ERBB4: variants seen among roughly 807,000 people sequenced by gnomAD.
ERBB4 encodes erb-b2 receptor tyrosine kinase 4.
ERBB4 carries 42 observed loss-of-function variants against 158.0 expected under a neutral mutation model. The observed-to-expected ratio is 0.27, with a 90% CI of 0.21 to 0.34. The LOEUF is 0.34. Ranked by LOEUF, ERBB4 falls within the 10% of genes least tolerant of loss-of-function variation. The probability of loss-of-function intolerance (pLI) is 1.00; values close to 1 mark genes in which losing one functional copy is unlikely to be tolerated. For synonymous variants in ERBB4, 583 were observed against 558.7 expected, an observed-to-expected ratio of 1.04 and a Z score of -0.61; for missense variants, 1,333 against 1,624.1, an observed-to-expected ratio of 0.82 and a Z score of 3.08.
At chr2:211,538,570 T>C (rs1316640004) in intron 20 of ERBB4, among the ~76,000 whole-genome samples, 3 of 151,892 alleles carry the variant, frequency 2.0e-5, no homozygotes, top group African/African-American at 7.2e-5. Flanking sequence ...TTGCTTTGTC[T>C]CCATTTCATT....
At chr2:211,803,164 A>G (rs540923996) in intron 3 of ERBB4, among the ~76,000 whole-genome samples, 64 of 152,332 alleles carry the variant, frequency 4.2e-4, no homozygotes, top group African/African-American at 1.5e-3. Flanking sequence ...AATAATAGTA[A>G]AATGTGTCAT....
intron 1 of ERBB4, among the ~76,000 whole-genome samples, chr2:212,519,148 T>C (rs1692007399): frequency 6.6e-6 from 1 of 151,886 alleles, no homozygotes; most frequent in South Asian, 2.1e-4. Context: ...CACAAATAAA[T>C]CCAGAGAGGC....
In ERBB4 at chr2:211,479,164, G is replaced by A. The variant is rs147861861; in HGVS notation, c.2488-48064C>T. ...GAGCTCCTGGTTTAGTAGGTATGGAGTGGGGTCTTAAAAATGTAACTTTCT... is the reference window on the plus strand; with the variant it reads ...GAGCTCCTGGTTTAGTAGGTATGGAATGGGGTCTTAAAAATGTAACTTTCT... On this transcript the variant is annotated intron_variant, in intron 20 of 27. Transcript: ENST00000342788. Among the ~76,000 whole-genome samples, 81 of 152,246 alleles carry A rather than the reference G, an allele frequency of 5.3e-4. 1 individual carries two copies. The East Asian group carries it at 0.013, about 24-fold the overall frequency.
chr2:212,121,082 T>G (rs2079733108), intron 2 of ERBB4, among the ~76,000 whole-genome samples: 1 of 152,174 alleles, frequency 6.6e-6, no homozygotes, highest in Admixed American at 6.5e-5. Flanking sequence ...AGGTATAATT[T>G]GAAATAATGT....
At chr2:212,438,011 G>A (rs35610945) in intron 1 of ERBB4, among the ~76,000 whole-genome samples, 1 of 151,916 alleles carries the variant, frequency 6.6e-6, no homozygotes, top group African/African-American at 2.4e-5. Context: ...TATGTACCAT[G>A]TTATCTCATG....
chr2:211,978,882 T>C (rs1468451941), intron 2 of ERBB4, among the ~76,000 whole-genome samples: 1 of 152,166 alleles, frequency 6.6e-6, no homozygotes, highest in African/African-American at 2.4e-5. Flanking sequence ...TAGACATCAA[T>C]CTGATTTTTA....
At chr2:212,184,547 C>T (rs946357974) in intron 1 of ERBB4, among the ~76,000 whole-genome samples, 1 of 152,028 alleles carries the variant, frequency 6.6e-6, no homozygotes, top group African/African-American at 2.4e-5. Context: ...CAGTCAAACA[C>T]TTACATCTGG....
intron 1 of ERBB4, among the ~76,000 whole-genome samples, chr2:212,343,432 A>T (rs775759970): frequency 1.1e-4 from 17 of 152,204 alleles, no homozygotes; most frequent in Admixed American, 3.3e-4. Context: ...GATAGGAATA[A>T]CACATGATTT....
chr2:211,593,789 G>A lies in ERBB4; in HGVS notation c.2301+25388C>T, dbSNP rs899033059. ...TTCAAGGAAAGACTTATCCGAGAGC[G>A]CTGCTGGCAAACAGCCTTCATTCAC... is the stretch of plus-strand genomic sequence containing the variant. On this transcript the variant is annotated intron_variant, in intron 19 of 27. Coordinates refer to ENST00000342788, the MANE Select transcript of ERBB4 (RefSeq NM_005235.3). Among the ~76,000 whole-genome samples, 4 of 152,094 alleles carry A rather than the reference G, an allele frequency of 2.6e-5. No individual in the cohort carries two copies. In the South Asian group the frequency reaches 6.2e-4, roughly 24 times the overall value.
chr2:211,383,898 G>T lies in ERBB4; in HGVS notation c.3644C>A (p.Thr1215Asn). ...CTTCAGGTACTCAGCTTTTCCCAAG[G>T]TGTTGGCAAAGGTGTTGAGGTACAG... Reference protein sequence around the residue: ...EPLYLNTFANTLGKAEYLKNN... With the variant: ...EPLYLNTFANNLGKAEYLKNN... Residue 1215 changes from threonine to asparagine, a missense_variant, in exon 28 of 28, where the codon ACC (threonine) becomes AAC (asparagine). Coordinates refer to ENST00000342788, the MANE Select transcript of ERBB4 (RefSeq NM_005235.3). The T allele has an allele frequency of 5.0e-6, 8 of 1,614,034 alleles. No individual in the cohort carries two copies. Among genetic ancestry groups the T allele is most frequent in the Non-Finnish European group, 6.8e-6 (8 of 1,180,010 alleles).
At chr2:211,678,581 A>G (rs1382951301) in intron 13 of ERBB4, among the ~76,000 whole-genome samples, 1 of 152,220 alleles carries the variant, frequency 6.6e-6, no homozygotes, top group Non-Finnish European at 1.5e-5. Context: ...ATTTTTCCTT[A>G]AAAGAATTCG....
At chr2:212,493,548 G>A (rs1259775171) in intron 1 of ERBB4, among the ~76,000 whole-genome samples, 1 of 151,470 alleles carries the variant, frequency 6.6e-6, no homozygotes, top group Non-Finnish European at 1.5e-5. Context: ...GTCATATTTA[G>A]GATACAGATT....
intron 4 of ERBB4, among the ~76,000 whole-genome samples, chr2:211,782,260 C>T (rs2076054981): frequency 6.6e-6 from 1 of 152,152 alleles, no homozygotes; most frequent in South Asian, 2.1e-4. Flanking sequence ...TGCACTCATC[C>T]ATCTGACCCT....
intron 4 of ERBB4, among the ~76,000 whole-genome samples, chr2:211,776,068 T>C (rs548060559): frequency 7.2e-5 from 11 of 152,290 alleles, no homozygotes; most frequent in African/African-American, 2.6e-4. Flanking sequence ...GTCTGGCGAA[T>C]GGTTTTGTTA....
At chr2:212,274,073 T>C (rs2085439664) in intron 1 of ERBB4, among the ~76,000 whole-genome samples, 1 of 151,738 alleles carries the variant, frequency 6.6e-6, no homozygotes, top group Non-Finnish European at 1.5e-5. Flanking sequence ...TAAAGTAAGC[T>C]AGAGAAAAGA....
intron 1 of ERBB4, among the ~76,000 whole-genome samples, chr2:212,220,286 C>T (rs1365043816): frequency 1.3e-5 from 2 of 151,296 alleles, no homozygotes; most frequent in African/African-American, 4.8e-5. Context: ...TTCATATTTG[C>T]TACAAATTAC....
At chr2:212,241,230 T>C (rs757437080) in intron 1 of ERBB4, among the ~76,000 whole-genome samples, 1 of 151,762 alleles carries the variant, frequency 6.6e-6, no homozygotes, top group Non-Finnish European at 1.5e-5. Flanking sequence ...GCACTCCAGA[T>C]TGGGTGAGAG....
intron 18 of ERBB4, 79 bp downstream of exon 18, chr2:211,623,843 A>C: frequency 7.1e-7 from 1 of 1,412,264 alleles, no homozygotes; most frequent in Non-Finnish European, 9.9e-7. Context: ...GGTTGTCTAA[A>C]GTAATAACTC....
chr2:212,441,975 G>C (rs2092263936), intron 1 of ERBB4, among the ~76,000 whole-genome samples: 1 of 152,194 alleles, frequency 6.6e-6, no homozygotes, highest in Admixed American at 6.5e-5. Context: ...GCTCTTCTCT[G>C]TATGTCAGAT....
Sources: gnomAD v4.1 joint callset for allele counts (sites outside exome capture counted in the v4.1 genomes callset) on GRCh38, gnomAD v4.1.1 for gene constraint, MANE v1.5 for transcripts, NCBI Gene and HGNC (gene_info 2026-07-23, HGNC 2026-07-21) for gene names.